Variants in ZNF429 observed in about 807,000 individuals in gnomAD.
ZNF429 encodes the protein zinc finger protein 429.
ZNF429 carries 53 observed loss-of-function variants against 56.8 expected under a neutral mutation model. The observed-to-expected ratio is 0.93, with a 90% CI of 0.75 to 1.17. The LOEUF (loss-of-function observed/expected upper bound fraction) is 1.17, where lower values mean the gene tolerates loss of function less well. Ranked by LOEUF, ZNF429 falls within the 50% of genes most tolerant of loss-of-function variation. ZNF429 has a pLI of 0.00. For synonymous variants in ZNF429, 278 were observed against 264.7 expected, an observed-to-expected ratio of 1.05 and a Z score of -0.49; for missense variants, 849 against 788.4, an observed-to-expected ratio of 1.08 and a Z score of -0.92.
intron 3 of ZNF429, among the ~76,000 whole-genome samples, chr19:21,535,229 C>T: frequency 6.8e-6 from 1 of 146,046 alleles, no homozygotes; most frequent in Admixed American, 6.9e-5. Context: ...CACTCCACTC[C>T]TGTAACATTT....
At chr19:21,520,757 G>A (rs1026696455) in intron 1 of ZNF429, among the ~76,000 whole-genome samples, 2 of 152,136 alleles carry the variant, frequency 1.3e-5, no homozygotes, top group African/African-American at 4.8e-5. Context: ...TACTTACACA[G>A]AAAAAGCAAG....
intron 3 of ZNF429, among the ~76,000 whole-genome samples, chr19:21,535,296 C>CTTTCTTTCTTTCTTTCTTTCTTTCT: frequency 3.6e-5 from 3 of 82,548 alleles, no homozygotes; most frequent in Admixed American, 1.2e-4. Flanking sequence ...CATTTCTTTC[C>CTTTCTTTCTTTCTTTCTTTCTTTCT]TTCTTTCTTT....
intron 1 of ZNF429, chr19:21,529,415 C>A: frequency 1.3e-6 from 1 of 749,196 alleles, no homozygotes; most frequent in Non-Finnish European, 1.6e-6. Flanking sequence ...AGAAAAATGT[C>A]ATGTGTACAC....
intron 1 of ZNF429, 73 bp downstream of exon 1, chr19:21,505,847 G>A: frequency 1.9e-6 from 3 of 1,543,452 alleles, no homozygotes; most frequent in Non-Finnish European, 2.7e-6. Context: ...GGCCGTGGCG[G>A]ACTTAGGTCT....
intron 1 of ZNF429, among the ~76,000 whole-genome samples, chr19:21,511,630 T>C (rs78170415): frequency 0.19 from 27,489 of 142,350 alleles, 2,650 homozygotes; most frequent in Middle Eastern, 0.25. Flanking sequence ...ACATCCCAGA[T>C]GATGGGCGGC....
chr19:21,515,241 T>C (rs950029245), intron 1 of ZNF429, among the ~76,000 whole-genome samples: 1 of 79,112 alleles, frequency 1.3e-5, no homozygotes, highest in South Asian at 3.5e-4. Flanking sequence ...GTGCCTGGCC[T>C]TTTTTTTTTT....
At chr19:21,519,307 G>T (rs2032898169) in intron 1 of ZNF429, among the ~76,000 whole-genome samples, 1 of 152,140 alleles carries the variant, frequency 6.6e-6, no homozygotes, top group African/African-American at 2.4e-5. Context: ...AGGGAGAAGA[G>T]AAACAAATTT....
Position 21,505,776 on chromosome 19 carries a change from T to C in ZNF429, c.3+2T>C. 1.2e-6 allele frequency: 2 copies of C among 1,610,896 alleles called. No homozygotes were observed. On this transcript the variant is annotated splice_donor_variant, in intron 1 of 3. Transcript: ENST00000358491. LOFTEE classifies it high-confidence loss of function. ...GGACCCCCTGGAAGCCTAGAAATGG[T>C]GAGAGTGCCGAGTCTGACATCCCCA...
In ZNF429 at chr19:21,538,196, C is replaced by G; in HGVS notation, c.*118C>G. On this transcript the variant is annotated 3_prime_UTR_variant, in exon 4 of 4. Coordinates refer to ENST00000358491, the MANE Select transcript of ZNF429 (RefSeq NM_001001415.4). ...CGGGAGGCTGAGGCAGGAGAATGGCCTGAACCCGGAGGTGGAGCTTGCATT... is the reference window on the plus strand; with the variant it reads ...CGGGAGGCTGAGGCAGGAGAATGGCGTGAACCCGGAGGTGGAGCTTGCATT... 2.3e-6 allele frequency: 1 copy of G among 427,148 alleles called. No homozygotes were observed. Among genetic ancestry groups the G allele is most frequent in the Non-Finnish European group, 4.1e-6 (1 of 246,394 alleles). 26.5% of individuals were successfully genotyped at this position (427,148 alleles called of 1,614,324 possible). A position where few individuals can be genotyped will look rare whatever the true frequency, so the allele number is the denominator to read the frequency against.
intron 1 of ZNF429, among the ~76,000 whole-genome samples, chr19:21,524,636 G>T (rs1040191235): frequency 2.0e-5 from 3 of 152,134 alleles, no homozygotes; most frequent in African/African-American, 7.2e-5. Flanking sequence ...TGCCAGGGCA[G>T]TTCCATTTTC....
intron 1 of ZNF429, among the ~76,000 whole-genome samples, chr19:21,509,657 T>C (rs1252587047): frequency 6.6e-6 from 1 of 152,202 alleles, no homozygotes; most frequent in Non-Finnish European, 1.5e-5. Context: ...TACAGAGCCC[T>C]GGAAAGCTGG....
At chr19:21,528,768 CTGA>C (rs2033261759) in intron 1 of ZNF429, among the ~76,000 whole-genome samples, 1 of 151,996 alleles carries the variant, frequency 6.6e-6, no homozygotes, top group African/African-American at 2.4e-5. Context: ...TTGAATAAAA[CTGA>C]TGTTTCTTTA....
chr19:21,531,321 C>T, intron 3 of ZNF429, among the ~76,000 whole-genome samples: 1 of 151,990 alleles, frequency 6.6e-6, no homozygotes. Context: ...ATTACAAATC[C>T]ATAGGGCATC....
intron 1 of ZNF429, chr19:21,518,586 C>A (rs2032867633): frequency 8.9e-6 from 1 of 112,916 alleles, no homozygotes. Flanking sequence ...TGGAGTCTTG[C>A]TCTGTCGCCC....
At chr19:21,505,995 T>C (rs2032123845) in intron 1 of ZNF429, 3 of 456,892 alleles carry the variant, frequency 6.6e-6, no homozygotes, top group Middle Eastern at 4.4e-4. Context: ...TGACTGTGCC[T>C]GACGTGTAGC....
Position 21,537,463 on chromosome 19 carries a change from C to T in ZNF429, c.1410C>T (p.Ser470=). The T allele has an allele frequency of 6.3e-7, 1 of 1,596,864 alleles. No individual in the cohort carries two copies. The highest frequency in any genetic ancestry group is 8.5e-7 in the Non-Finnish European group (1 of 1,173,870). Residue 470 remains serine (S), a synonymous_variant, in exon 4 of 4, where the codon AGC becomes AGT. Transcript: ENST00000358491. The stretch of plus-strand genomic sequence containing the variant: ...TTAACCGGTCCTCACACCTTACTAG[C>T]CATAGGAGAATTCATACTGGAGAGA... ...KAFNRSSHLT[S]HRRIHTGEKP... is the part of the protein sequence containing the mutation.
intron 1 of ZNF429, among the ~76,000 whole-genome samples, chr19:21,518,222 C>G (rs1404391839): frequency 6.6e-6 from 1 of 152,208 alleles, no homozygotes; most frequent in African/African-American, 2.4e-5. Context: ...CAGTTCTGAT[C>G]TGATTTTGGT....
intron 1 of ZNF429, among the ~76,000 whole-genome samples, chr19:21,527,302 G>A (rs543545319): frequency 6.6e-6 from 1 of 152,312 alleles, no homozygotes; most frequent in East Asian, 1.9e-4. Flanking sequence ...GAGGGGCAAT[G>A]CTTTGCCAAG....
intron 1 of ZNF429, among the ~76,000 whole-genome samples, chr19:21,524,328 G>A (rs1218574788): frequency 6.6e-6 from 1 of 152,196 alleles, no homozygotes; most frequent in African/African-American, 2.4e-5. Context: ...AGGAGTTGGA[G>A]ACCAGCCTGA....
Sources: allele counts gnomAD v4.1 joint callset (sites outside exome capture counted in the v4.1 genomes callset), GRCh38; gene constraint gnomAD v4.1.1; transcripts MANE v1.5; gene names NCBI Gene and HGNC (gene_info 2026-07-23, HGNC 2026-07-21).